RBMS3: variants seen among roughly 807,000 people sequenced by gnomAD.
RBMS3 encodes RNA binding motif single stranded interacting protein 3, also known as RNA-binding motif, single-stranded-interacting protein 3.
In RBMS3, 27 loss-of-function variants were observed where a neutral mutation model predicts 66.8. The observed-to-expected ratio is 0.40, with a 90% confidence interval of 0.30 to 0.56. The LOEUF is 0.56. RBMS3 is among the 20% of genes least tolerant of loss of function. RBMS3 has a pLI of 0.40. For synonymous variants in RBMS3, 188 were observed against 183.0 expected (o/e 1.03, Z -0.22); for missense variants, 513 against 549.5 (o/e 0.93, Z 0.66).
chr3:29,964,328 G>A (rs984233688), intron 12 of RBMS3, among the ~76,000 whole-genome samples: 2 of 152,144 alleles, frequency 1.3e-5, no homozygotes, highest in Non-Finnish European at 2.9e-5. Context: ...GGACTCCAAC[G>A]TTTATTAACA....
chr3:29,995,609 T>A (rs530944623), intron 14 of RBMS3, among the ~76,000 whole-genome samples: 7 of 151,368 alleles, frequency 4.6e-5, no homozygotes, highest in African/African-American at 1.7e-4. Flanking sequence ...TGGGGGCCAA[T>A]ATTCAACATT....
intron 4 of RBMS3, among the ~76,000 whole-genome samples, chr3:29,667,297 T>G (rs9870694): frequency 0.63 from 94,989 of 151,980 alleles, 30,267 homozygotes; most frequent in African/African-American, 0.76. Flanking sequence ...TTACTTGGCT[T>G]CATTTAATTC....
intron 6 of RBMS3, among the ~76,000 whole-genome samples, chr3:29,808,675 C>T (rs185426074): frequency 2.0e-4 from 30 of 152,046 alleles, no homozygotes; most frequent in Admixed American, 7.2e-4. Flanking sequence ...GGTAATTTAA[C>T]GCCTGGTTAA....
chr3:29,848,585 A>AGGGATGCTG (rs1362944528), intron 6 of RBMS3, among the ~76,000 whole-genome samples: 1 of 152,226 alleles, frequency 6.6e-6, no homozygotes, highest in African/African-American at 2.4e-5. Context: ...GCTTCAGCCA[A>AGGGATGCTG]AAAGGGCAGG....
intron 3 of RBMS3, among the ~76,000 whole-genome samples, chr3:29,563,182 C>T (rs956042054): frequency 1.5e-4 from 23 of 152,126 alleles, no homozygotes; most frequent in African/African-American, 5.6e-4. Flanking sequence ...ATCCCATTCC[C>T]AAAAACCTTC....
At chr3:29,794,499 T>C (rs2057117455) in intron 6 of RBMS3, among the ~76,000 whole-genome samples, 1 of 152,112 alleles carries the variant, frequency 6.6e-6, no homozygotes, top group South Asian at 2.1e-4. Context: ...GGCAGGAGAA[T>C]GGCGTGAACC....
Position 29,347,893 on chromosome 3 carries a change from G to A in RBMS3, c.75+66137G>A, listed in dbSNP as rs532241855. On this transcript the variant is annotated intron_variant, in intron 1 of 14. Transcript: ENST00000383767. ...TAAGGGCCTTAAAGCTTAGGTTTAT[G>A]ATCATAACAATAACCTATTCACATT... Among the ~76,000 whole-genome samples, 9 of 152,288 alleles carry A rather than the reference G, an allele frequency of 5.9e-5. No individual in the cohort carries two copies. In the South Asian group the frequency reaches 1.9e-3, roughly 32 times the overall value.
intron 6 of RBMS3, among the ~76,000 whole-genome samples, chr3:29,849,963 T>C (rs1559736023): frequency 6.6e-6 from 1 of 152,232 alleles, no homozygotes; most frequent in Non-Finnish European, 1.5e-5. Flanking sequence ...TATTTCTTTC[T>C]TTCTTTACAA....
intron 2 of RBMS3, among the ~76,000 whole-genome samples, chr3:29,455,161 G>A (rs2042142889): frequency 6.6e-6 from 1 of 152,094 alleles, no homozygotes; most frequent in African/African-American, 2.4e-5. Context: ...CAACATACAT[G>A]TATGTTCCCG....
intron 4 of RBMS3, among the ~76,000 whole-genome samples, chr3:29,715,612 A>G (rs2053360823): frequency 6.6e-6 from 1 of 152,122 alleles, no homozygotes; most frequent in African/African-American, 2.4e-5. Context: ...ACTCCCTTGT[A>G]TGTTCAATGT....
chr3:29,365,775 G>A (rs1014976729), intron 1 of RBMS3, among the ~76,000 whole-genome samples: 2 of 152,086 alleles, frequency 1.3e-5, no homozygotes, highest in Non-Finnish European at 2.9e-5. Context: ...TTACTGAATG[G>A]AAAAAGAAAT....
chr3:29,995,685 A>G (rs1009935467), intron 14 of RBMS3, among the ~76,000 whole-genome samples: 16 of 152,314 alleles, frequency 1.1e-4, no homozygotes, highest in Admixed American at 2.0e-4. Flanking sequence ...TAAGTGAAGG[A>G]GAAATAAAAT....
chr3:29,678,921 C>T (rs147083280), intron 4 of RBMS3, among the ~76,000 whole-genome samples: 84 of 152,128 alleles, frequency 5.5e-4, no homozygotes, highest in African/African-American at 1.8e-3. Flanking sequence ...AATCACCTTT[C>T]GGCACACTTT....
At chr3:29,940,525 G>C (rs188015062) in intron 11 of RBMS3, among the ~76,000 whole-genome samples, 1 of 151,856 alleles carries the variant, frequency 6.6e-6, no homozygotes. Flanking sequence ...TTTTAGAAGG[G>C]GGATCTTGAA....
chr3:29,356,345 T>G (rs1231171898), intron 1 of RBMS3, among the ~76,000 whole-genome samples: 5 of 152,198 alleles, frequency 3.3e-5, no homozygotes, highest in Admixed American at 2.6e-4. Flanking sequence ...TGTTCTATGT[T>G]TTGTTGACCT....
intron 6 of RBMS3, among the ~76,000 whole-genome samples, chr3:29,802,048 A>G (rs1368176699): frequency 6.6e-6 from 1 of 152,146 alleles, no homozygotes; most frequent in African/African-American, 2.4e-5. Flanking sequence ...TTGAGAGACC[A>G]TATGTATTTT....
intron 1 of RBMS3, among the ~76,000 whole-genome samples, chr3:29,334,072 G>A (rs2125520711): frequency 6.7e-6 from 1 of 150,236 alleles, no homozygotes; most frequent in South Asian, 2.1e-4. Flanking sequence ...CTAGAGAGTT[G>A]ATGTGAGAGT....
At chr3:29,829,325 G>A (rs550899622) in intron 6 of RBMS3, among the ~76,000 whole-genome samples, 4 of 152,274 alleles carry the variant, frequency 2.6e-5, no homozygotes, top group Admixed American at 1.3e-4. Flanking sequence ...GATTACAGGC[G>A]TGAGCCACCG....
intron 12 of RBMS3, among the ~76,000 whole-genome samples, chr3:29,980,728 A>G (rs1697928301): frequency 6.6e-6 from 1 of 152,136 alleles, no homozygotes; most frequent in South Asian, 2.1e-4. Flanking sequence ...GGTTTGTCGA[A>G]GATAGATGGT....
Sources: gnomAD v4.1 joint callset for allele counts (sites outside exome capture counted in the v4.1 genomes callset) on GRCh38, gnomAD v4.1.1 for gene constraint, MANE v1.5 for transcripts, NCBI Gene and HGNC (gene_info 2026-07-23, HGNC 2026-07-21) for gene names.